The following SCCPDH variants were observed in gnomAD, a reference collection of about 807,000 sequenced individuals.
SCCPDH encodes saccharopine dehydrogenase-like oxidoreductase.
SCCPDH carries 34 observed loss-of-function variants against 51.5 expected under a neutral mutation model. The observed-to-expected ratio is 0.66, with a 90% CI of 0.50 to 0.88. The LOEUF is 0.88. SCCPDH is among the 40% of genes least tolerant of loss of function. The pLI, the probability that SCCPDH is intolerant of heterozygous loss-of-function variation, is 0.00. For missense variants in SCCPDH, 464 were observed against 527.1 expected (o/e 0.88, Z 1.17); for synonymous variants, 187 against 191.3 (o/e 0.98, Z 0.19).
chr1:246,727,874 C>T (rs1161033615), intron 2 of SCCPDH, among the ~76,000 whole-genome samples: 2 of 152,102 alleles, frequency 1.3e-5, no homozygotes, highest in African/African-American at 4.8e-5. Flanking sequence ...TCTTACGGGC[C>T]ATGGCCAGGA....
chr1:246,736,206 T>C (rs1301588950), intron 3 of SCCPDH, 151 bp downstream of exon 3: 1 of 609,612 alleles, frequency 1.6e-6, no homozygotes, highest in African/African-American at 1.9e-5. Context: ...ATTCCATTGA[T>C]AGCTCAAAGG....
intron 10 of SCCPDH, among the ~76,000 whole-genome samples, chr1:246,765,580 G>A (rs1669076294): frequency 6.6e-6 from 1 of 152,174 alleles, no homozygotes; most frequent in African/African-American, 2.4e-5. Flanking sequence ...AAAAAATTGA[G>A]AGGATTTTTT....
intron 4 of SCCPDH, among the ~76,000 whole-genome samples, chr1:246,743,024 T>C (rs1668702708): frequency 6.6e-6 from 1 of 152,212 alleles, no homozygotes; most frequent in African/African-American, 2.4e-5. Context: ...ATAGTTTTTG[T>C]GTACATTCAT....
At chr1:246,750,924 G>T (rs928188790) in intron 5 of SCCPDH, among the ~76,000 whole-genome samples, 1 of 152,206 alleles carries the variant, frequency 6.6e-6, no homozygotes, top group African/African-American at 2.4e-5. Flanking sequence ...TCTGTAACCC[G>T]TTTGGCCGGG....
At chr1:246,724,690 C>T in intron 1 of SCCPDH, 78 bp downstream of exon 1, 1 of 1,291,360 alleles carries the variant, frequency 7.7e-7, no homozygotes, top group African/African-American at 1.6e-5. Context: ...AGCGTTTCTC[C>T]CGCAGGGATG....
rs1360696894 is a variant in SCCPDH at position 246,767,344 on chromosome 1, A to AG, written c.*45dup. The AG allele has an allele frequency of 5.2e-6, 6 of 1,146,270 alleles. No individual in the cohort carries two copies. The highest frequency in any genetic ancestry group is 7.4e-6 in the Non-Finnish European group (6 of 810,640). The allele number at this position is 1,146,270 out of a possible 1,614,324, so 71.0% of individuals were successfully genotyped here. A position where few individuals can be genotyped will look rare whatever the true frequency, so the allele number is the denominator to read the frequency against. ...GAAGTCATAACGTGCGTGAATTAAC[A>AG]GCTTCTCTATTTGATATTTGAAATT... On this transcript the variant is annotated 3_prime_UTR_variant, in exon 12 of 12. Transcript: ENST00000366510.
chr1:246,751,159 A>G (rs1169956983), intron 5 of SCCPDH, among the ~76,000 whole-genome samples: 2 of 152,254 alleles, frequency 1.3e-5, no homozygotes, highest in Non-Finnish European at 2.9e-5. Flanking sequence ...TATATTTGAC[A>G]ATTAGCAGAT....
intron 2 of SCCPDH, among the ~76,000 whole-genome samples, chr1:246,729,474 C>T (rs3007318): frequency 0.29 from 44,259 of 152,132 alleles, 8,008 homozygotes; most frequent in South Asian, 0.41. Context: ...AGTGATATTT[C>T]TCCTATTCGC....
intron 9 of SCCPDH, among the ~76,000 whole-genome samples, chr1:246,762,025 C>G (rs764795047): frequency 6.6e-6 from 1 of 152,228 alleles, no homozygotes; most frequent in Non-Finnish European, 1.5e-5. Flanking sequence ...TACGAGAGTT[C>G]CAGTTTCTCT....
chr1:246,738,281 G>A (rs1306276696), intron 3 of SCCPDH, among the ~76,000 whole-genome samples: 3 of 151,866 alleles, frequency 2.0e-5, no homozygotes, highest in African/African-American at 7.3e-5. Context: ...GGGAGGCCGA[G>A]GCAGGCGGAT....
chr1:246,740,470 T>C (rs1668660064), intron 4 of SCCPDH, among the ~76,000 whole-genome samples, 169 bp downstream of exon 4: 1 of 152,208 alleles, frequency 6.6e-6, no homozygotes, highest in Non-Finnish European at 1.5e-5. Flanking sequence ...AATAAAATGC[T>C]ATTGAGACTA....
intron 5 of SCCPDH, among the ~76,000 whole-genome samples, chr1:246,745,865 T>C (rs1668750511): frequency 6.6e-6 from 1 of 151,704 alleles, no homozygotes; most frequent in East Asian, 1.9e-4. Flanking sequence ...TCCCAGCACT[T>C]TGGGAGGCCG....
At chr1:246,748,882 G>A (rs190633881) in intron 5 of SCCPDH, among the ~76,000 whole-genome samples, 12 of 152,282 alleles carry the variant, frequency 7.9e-5, no homozygotes, top group African/African-American at 2.6e-4. Flanking sequence ...ATAGTCCCCC[G>A]CAATACCACC....
rs1253201646 is a variant in SCCPDH, at chr1:246,732,535, A to G, written c.304-3440A>G. 5.9e-5 allele frequency among the ~76,000 whole-genome samples: 9 copies of G among 152,092 alleles called. No individual in the cohort carries two copies. In the South Asian group the frequency reaches 6.2e-4, roughly 11 times the overall value. On this transcript the variant is annotated intron_variant, in intron 2 of 11. Coordinates refer to ENST00000366510, the MANE Select transcript of SCCPDH (RefSeq NM_016002.3). ...CCTGAGTAGCTGGAACTACAGGCTC[A>G]TGCCGCCACACCTAGCTAATTTTTA... is the stretch of plus-strand genomic sequence containing the variant.
At position 246,727,006 on chromosome 1, in the gene SCCPDH, T is replaced by C. The variant is rs375814834; in HGVS notation, c.303+2T>C. On this transcript the variant is annotated splice_donor_variant, in intron 2 of 11. Coordinates refer to ENST00000366510, the MANE Select transcript of SCCPDH (RefSeq NM_016002.3). LOFTEE classifies it high-confidence loss of function. ...GTTGTCCTCAATTGCGTAGGACCAG[T>C]AAGTAATCAACCCTTCTTTGTATCA... The C allele has an allele frequency of 6.3e-7, 1 of 1,579,962 alleles. No individual in the cohort carries two copies.
intron 5 of SCCPDH, among the ~76,000 whole-genome samples, chr1:246,753,216 C>G (rs1230974900): frequency 6.6e-6 from 1 of 151,922 alleles, no homozygotes; most frequent in Non-Finnish European, 1.5e-5. Context: ...GTTCTGGCCC[C>G]CTGGGTACTT....
chr1:246,762,230 T>C (rs974150603), intron 9 of SCCPDH, among the ~76,000 whole-genome samples: 2 of 152,350 alleles, frequency 1.3e-5, no homozygotes, highest in African/African-American at 4.8e-5. Context: ...CCAGAAAATA[T>C]AGAGAACTCC....
intron 5 of SCCPDH, among the ~76,000 whole-genome samples, chr1:246,755,333 G>T (rs940727535): frequency 6.6e-6 from 1 of 152,072 alleles, no homozygotes. Flanking sequence ...AAACTCAAAG[G>T]GCTGAGAACA....
intron 10 of SCCPDH, among the ~76,000 whole-genome samples, chr1:246,765,185 G>T (rs949716867): frequency 0.02 from 2,894 of 144,352 alleles, 69 homozygotes; most frequent in African/African-American, 0.072. Flanking sequence ...AGGTCCACTT[G>T]TGAACTGTGG....
Sources: gnomAD v4.1 joint callset for allele counts (sites outside exome capture counted in the v4.1 genomes callset) on GRCh38, gnomAD v4.1.1 for gene constraint, MANE v1.5 for transcripts, NCBI Gene and HGNC (gene_info 2026-07-23, HGNC 2026-07-21) for gene names.